LSM5: variants seen among roughly 807,000 people sequenced by gnomAD.
The protein encoded by LSM5 is LSM5 homolog, U6 small nuclear RNA and mRNA degradation associated.
LSM5 carries 8 observed loss-of-function variants against 13.8 expected under a neutral mutation model. The observed-to-expected ratio is 0.58, with a 90% CI of 0.34 to 1.04. The LOEUF is 1.04. LSM5 is among the 50% of genes least tolerant of loss of function. LSM5 has a pLI of 0.03. For missense variants in LSM5, 80 were observed against 108.1 expected, an observed-to-expected ratio of 0.74 and a Z score of 1.15; for synonymous variants, 35 against 37.0, an observed-to-expected ratio of 0.95 and a Z score of 0.20.
upstream of LSM5, among the ~76,000 whole-genome samples, chr7:32,494,605 G>T (rs1166313630): frequency 1.3e-5 from 2 of 152,164 alleles, no homozygotes; most frequent in African/African-American, 2.4e-5. Context: ...AACTGTCCTA[G>T]ATAAGACTTG....
rs1280713489 is a variant in LSM5, at chr7:32,488,631, G to A, written c.164C>T (p.Thr55Ile). The stretch of plus-strand genomic sequence containing the variant: ...ATTCTTTAACACTACTCACAACTCA[G>A]TGACATCTTCCAGTACCATATCTGA... The part of the protein sequence containing the change: ...DFVNMVLEDV[T>I]EFEITPEGRR... The change falls in exon 3 of 5, where the codon ACT becomes ATT. Residue 55 changes from threonine to isoleucine, a missense_variant. Transcript: ENST00000450169. 1 of 1,597,144 alleles carries A rather than the reference G, an allele frequency of 6.3e-7. No homozygotes were observed. The highest frequency in any genetic ancestry group is 1.3e-5 in the African/African-American group (1 of 74,522).
At position 32,488,715 on chromosome 7, in the gene LSM5, T is replaced by G. The variant is rs142804775; in HGVS notation, c.143-63A>C. The G allele has an allele frequency of 1.6e-4, 185 of 1,165,314 alleles. No individual in the cohort carries two copies. In the African/African-American group the frequency reaches 2.3e-3, roughly 14 times the overall value. 72.2% of individuals were successfully genotyped at this position (1,165,314 alleles called of 1,614,324 possible). A position where few individuals can be genotyped will look rare whatever the true frequency, so the allele number is the denominator to read the frequency against. On this transcript the variant is annotated intron_variant, in intron 2 of 4. Coordinates refer to ENST00000450169, the MANE Select transcript of LSM5 (RefSeq NM_012322.3). ...CTCTAGCTTCTGCCTTTGTTCAGCT[T>G]TTGTTTTTTGTTTTTGTTTTTGTTT... is the stretch of plus-strand genomic sequence containing the variant.
chr7:32,486,569 C>T lies in LSM5; in HGVS notation c.*692G>A, dbSNP rs6952557. On this transcript the variant is annotated 3_prime_UTR_variant, in exon 5 of 5. Transcript: ENST00000450169. ...ACCTGAGTCCTGGAGTTCTTAGCTGCTTTTAGTATCCTTTATCTTAAAGCT... is the reference window on the plus strand; with the variant it reads ...ACCTGAGTCCTGGAGTTCTTAGCTGTTTTTAGTATCCTTTATCTTAAAGCT... The T allele has an allele frequency of 0.79, 119,501 of 152,204 alleles. 47,246 individuals are homozygous for T. Among genetic ancestry groups the T allele is most frequent in the East Asian group, 0.84 (4,339 of 5,190 alleles). The allele number at this position is 152,204 out of a possible 1,614,324, so 9.4% of individuals were successfully genotyped here.
In LSM5 at chr7:32,489,849, T is replaced by C. The variant is rs7797252; in HGVS notation, c.46+471A>G. 8.0e-3 allele frequency among the ~76,000 whole-genome samples: 1,219 copies of C among 152,304 alleles called. 18 individuals carry two copies. Among genetic ancestry groups the C allele is most frequent in the African/African-American group, 0.026 (1,091 of 41,550 alleles). ...ATGCCCAGGCACGGTATCTAGTGTA[T>C]AGATACTCAGTTACTACTTATTGAA... On this transcript the variant is annotated intron_variant, in intron 1 of 4. Transcript: ENST00000450169.
At chr7:32,487,522 T>A in intron 4 of LSM5, 163 bp downstream of exon 4, 1 of 673,038 alleles carries the variant, frequency 1.5e-6, no homozygotes, top group Non-Finnish European at 2.7e-6. Context: ...GCCTCTTCAA[T>A]AGCTGAGCTT....
rs141789060 is a variant in LSM5 at position 32,489,304 on chromosome 7, C to T, written c.87G>A (p.Val29=). The stretch of plus-strand genomic sequence containing the variant: ...CAACAATTTCCTTATCACTCTTCAT[C>T]ACGATGTGAATTCTTGATCCTATAC... The part of the protein sequence containing the change: ...DKCIGSRIHI[V]MKSDKEIVGT... Residue 29 remains valine, a synonymous_variant, in exon 2 of 5, where the codon GTG becomes GTA. Transcript: ENST00000450169. The T allele has an allele frequency of 2.5e-6, 4 of 1,608,860 alleles. No individual in the cohort carries two copies. Among genetic ancestry groups the T allele is most frequent in the Admixed American group, 1.7e-5 (1 of 59,578 alleles).
At chr7:32,491,470 AT>A (rs1360737345), upstream of LSM5, among the ~76,000 whole-genome samples, 3 of 152,006 alleles carry the variant, frequency 2.0e-5, no homozygotes, top group African/African-American at 7.2e-5. Flanking sequence ...CATACAACAA[AT>A]GGTCATTAAG....
intron 1 of LSM5, chr7:32,489,727 C>T (rs1786530945): frequency 3.4e-6 from 1 of 296,906 alleles, no homozygotes; most frequent in Non-Finnish European, 6.5e-6. Flanking sequence ...TTTAGCTAGC[C>T]TAGCATTATG....
At chr7:32,491,695 G>A (rs906636070), upstream of LSM5, among the ~76,000 whole-genome samples, 1 of 152,224 alleles carries the variant, frequency 6.6e-6, no homozygotes, top group Non-Finnish European at 1.5e-5. Flanking sequence ...TAAGATTAAT[G>A]TGAAGATTAA....
At chr7:32,488,438 G>C (rs1173364447) in intron 3 of LSM5, 187 bp downstream of exon 3, 2 of 514,574 alleles carry the variant, frequency 3.9e-6, no homozygotes, top group African/African-American at 4.0e-5. Context: ...AATATTCTAG[G>C]CGTTTACTAA....
upstream of LSM5, among the ~76,000 whole-genome samples, chr7:32,492,651 T>C (rs1049284286): frequency 1.1e-4 from 17 of 152,162 alleles, no homozygotes. Flanking sequence ...GTAGAGTTAA[T>C]GGGGATTTCA....
intron 4 of LSM5, 80 bp from the exon 5 acceptor site, chr7:32,487,373 C>A: frequency 8.7e-7 from 1 of 1,153,508 alleles, no homozygotes; most frequent in Non-Finnish European, 1.3e-6. Flanking sequence ...ATTAAGCCAC[C>A]TTTGCCTGTC....
chr7:32,490,282 C>G (rs370227790), intron 1 of LSM5, 38 bp downstream of exon 1: 2 of 1,614,088 alleles, frequency 1.2e-6, no homozygotes, highest in Non-Finnish European at 1.7e-6. Context: ...TCCTGAATGT[C>G]AGCTCCCTGT....
intron 2 of LSM5, 135 bp from the exon 3 acceptor site, chr7:32,488,787 A>C (rs1786506739): frequency 1.5e-6 from 1 of 650,068 alleles, no homozygotes; most frequent in South Asian, 1.8e-5. Context: ...GCAGTGGTAC[A>C]ATCACACCTC....
intron 4 of LSM5, 49 bp downstream of exon 4, chr7:32,487,636 C>T (rs887496229): frequency 2.7e-5 from 26 of 980,578 alleles, no homozygotes; most frequent in Non-Finnish European, 4.1e-5. Flanking sequence ...AATCACTGCT[C>T]CCCAAAAATG....
Position 32,485,633 on chromosome 7 carries a change from T to C in LSM5, c.*1628A>G, listed in dbSNP as rs1309024268. 1 of 152,026 alleles carries C rather than the reference T, an allele frequency of 6.6e-6. No individual in the cohort carries two copies. Among genetic ancestry groups the C allele is most frequent in the Non-Finnish European group, 1.5e-5 (1 of 68,010 alleles). 9.4% of individuals were successfully genotyped at this position (152,026 alleles called of 1,614,324 possible). A position where few individuals can be genotyped will look rare whatever the true frequency, so the allele number is the denominator to read the frequency against. ...TGAGATCAAAATTAATCAAGAAAATTTTAGGCCAGGCCTGGTGGCTCATGC... is the reference window on the plus strand; with the variant it reads ...TGAGATCAAAATTAATCAAGAAAATCTTAGGCCAGGCCTGGTGGCTCATGC... On this transcript the variant is annotated 3_prime_UTR_variant, in exon 5 of 5. Coordinates refer to ENST00000450169, the MANE Select transcript of LSM5 (RefSeq NM_012322.3).
intron 1 of LSM5, chr7:32,489,944 T>A (rs1786538200): frequency 2.1e-6 from 2 of 961,716 alleles, no homozygotes; most frequent in African/African-American, 1.7e-5. Flanking sequence ...AGGGTGTTAG[T>A]GTCACTAACC....
chr7:32,486,392 T>C lies in LSM5; in HGVS notation c.*869A>G, dbSNP rs535646625. The C allele has an allele frequency of 6.6e-6, 1 of 152,294 alleles. No individual in the cohort carries two copies. Among genetic ancestry groups the C allele is most frequent in the South Asian group, 2.1e-4 (1 of 4,830 alleles). 9.4% of individuals were successfully genotyped at this position (152,294 alleles called of 1,614,324 possible). ...GTGTACTGAGAGTGGACTGAGAAAG[T>C]CTACGAAGACATACAGCAAAGCATG... On this transcript the variant is annotated 3_prime_UTR_variant, in exon 5 of 5. Coordinates refer to ENST00000450169, the MANE Select transcript of LSM5 (RefSeq NM_012322.3).
chr7:32,493,542 CTT>C (rs1786640216), upstream of LSM5, among the ~76,000 whole-genome samples: 1 of 35,664 alleles, frequency 2.8e-5, no homozygotes, highest in Non-Finnish European at 9.5e-5. Flanking sequence ...CTCTCTCTCC[CTT>C]TCTTTATTTT....
Sources: gnomAD v4.1 joint callset for allele counts (sites outside exome capture counted in the v4.1 genomes callset) on GRCh38, gnomAD v4.1.1 for gene constraint, MANE v1.5 for transcripts, NCBI Gene and HGNC (gene_info 2026-07-23, HGNC 2026-07-21) for gene names.